Variants in GRM1 observed in about 807,000 individuals in gnomAD.
The protein encoded by GRM1 is metabotropic glutamate receptor 1.
GRM1 carries 33 observed loss-of-function variants against 90.9 expected under a neutral mutation model. The ratio of observed to expected loss-of-function variants is 0.36; its 90% confidence interval spans 0.28 to 0.49. The LOEUF (loss-of-function observed/expected upper bound fraction) is 0.49, where lower values mean the gene tolerates loss of function less well. GRM1 is among the 20% of genes least tolerant of loss of function. GRM1 has a pLI of 0.99. For synonymous variants in GRM1, 700 were observed against 613.2 expected, an observed-to-expected ratio of 1.14 and a Z score of -2.09; for missense variants, 1,190 against 1,534.3, an observed-to-expected ratio of 0.78 and a Z score of 3.75.
intron 2 of GRM1, among the ~76,000 whole-genome samples, chr6:146,173,902 C>T (rs563700408): frequency 4.7e-4 from 72 of 152,106 alleles, no homozygotes; most frequent in African/African-American, 1.4e-3. Context: ...GTGATCCGCC[C>T]GCCTTCGCTT....
intron 5 of GRM1, among the ~76,000 whole-genome samples, chr6:146,381,353 C>T (rs1562654110): frequency 6.6e-6 from 1 of 152,194 alleles, no homozygotes; most frequent in Non-Finnish European, 1.5e-5. Context: ...AATGCTCCCT[C>T]TGTGGGTGGG....
At chr6:146,413,086 C>G (rs1428875607) in intron 7 of GRM1, among the ~76,000 whole-genome samples, 5 of 152,080 alleles carry the variant, frequency 3.3e-5, no homozygotes, top group Non-Finnish European at 5.9e-5. Context: ...GGGACTAAAA[C>G]TTAGATTTTG....
chr6:146,254,422 A>G (rs1016053480), intron 2 of GRM1, among the ~76,000 whole-genome samples: 1 of 152,186 alleles, frequency 6.6e-6, no homozygotes, highest in Admixed American at 6.5e-5. Context: ...GGATGCTGAG[A>G]AGGAAGAATG....
At chr6:146,136,141 A>T (rs780328737) in intron 1 of GRM1, among the ~76,000 whole-genome samples, 5 of 152,196 alleles carry the variant, frequency 3.3e-5, no homozygotes, top group South Asian at 2.1e-4. Context: ...ACAGTACTTC[A>T]TTGTGTATAT....
chr6:146,235,158 T>G (rs1162023723), intron 2 of GRM1, among the ~76,000 whole-genome samples: 1 of 152,132 alleles, frequency 6.6e-6, no homozygotes, highest in African/African-American at 2.4e-5. Context: ...ATTCTTTAAT[T>G]TTCCATTGTA....
At chr6:146,213,258 T>C (rs567790732) in intron 2 of GRM1, among the ~76,000 whole-genome samples, 2 of 152,026 alleles carry the variant, frequency 1.3e-5, no homozygotes, top group Non-Finnish European at 2.9e-5. Context: ...GGTTGAAGCA[T>C]AGAATTCAAA....
chr6:146,399,788 A>G lies in GRM1; in HGVS notation c.2660+89A>G, dbSNP rs1380754183. ...CTCTCTCTCTCTTTCTCTGTCTCTC[A>G]TATCTTCCTCTAGTTTTCTGAGTTG... On this transcript the variant is annotated intron_variant, in intron 7 of 7. Transcript: ENST00000282753. This position sits in a 1 kb window ranked among gnomAD's most constrained non-coding sequence, Gnocchi z 5.4. The G allele has an allele frequency of 3.6e-5, 32 of 877,706 alleles. No individual in the cohort carries two copies. Among genetic ancestry groups the G allele is most frequent in the Non-Finnish European group, 5.3e-5 (29 of 549,872 alleles). 54.4% of individuals were successfully genotyped at this position (877,706 alleles called of 1,614,324 possible). A position where few individuals can be genotyped will look rare whatever the true frequency, so the allele number is the denominator to read the frequency against.
chr6:146,387,166 C>T (rs1776539498), intron 6 of GRM1, 150 bp downstream of exon 6: 1 of 788,526 alleles, frequency 1.3e-6, no homozygotes, highest in Admixed American at 1.9e-5. Flanking sequence ...TATACATAAA[C>T]CTCATAAGTT....
At chr6:146,038,000 T>G (rs1790953957) in intron 1 of GRM1, among the ~76,000 whole-genome samples, 1 of 152,036 alleles carries the variant, frequency 6.6e-6, no homozygotes, top group Non-Finnish European at 1.5e-5. Flanking sequence ...TGTTATCATC[T>G]TGTAATAAAA....
At chr6:146,149,462 C>T (rs1390470372) in intron 1 of GRM1, among the ~76,000 whole-genome samples, 1 of 152,176 alleles carries the variant, frequency 6.6e-6, no homozygotes, top group Non-Finnish European at 1.5e-5. Flanking sequence ...GGAGAATATT[C>T]CCTGCACTTT....
At chr6:146,292,311 AC>A (rs1400733522) in intron 2 of GRM1, among the ~76,000 whole-genome samples, 2 of 152,046 alleles carry the variant, frequency 1.3e-5, no homozygotes, top group African/African-American at 4.8e-5. Context: ...AAAATTTAAA[AC>A]TTTTATACAT....
chr6:146,089,198 A>C (rs1335624059), intron 1 of GRM1, among the ~76,000 whole-genome samples: 2 of 152,156 alleles, frequency 1.3e-5, no homozygotes, highest in Non-Finnish European at 2.9e-5. Context: ...CTGGCAAGGC[A>C]CTGTGGACCT....
chr6:146,244,274 AATCTTCACAATTT>A (rs1404406582), intron 2 of GRM1, among the ~76,000 whole-genome samples: 1 of 152,188 alleles, frequency 6.6e-6, no homozygotes, highest in Non-Finnish European at 1.5e-5. Flanking sequence ...ATGTCCATGA[AATCTTCACAATTT>A]ATGTTCAGAG....
Position 146,417,000 on chromosome 6 carries a change from G to A in GRM1, c.2661-16872G>A, listed in dbSNP as rs147828896. On this transcript the variant is annotated intron_variant, in intron 7 of 7. Transcript: ENST00000282753. ...TTTACTTCCCTCTCTCCAGGATCTC[G>A]GTTCCTCAAGTTCTAGCTGCCTTGG... is the stretch of plus-strand genomic sequence containing the variant. Among the ~76,000 whole-genome samples, 417 of 152,172 alleles carry A rather than the reference G, an allele frequency of 2.7e-3. 3 individuals carry two copies. Among genetic ancestry groups the A allele is most frequent in the African/African-American group, 9.8e-3 (407 of 41,500 alleles).
At chr6:146,378,693 C>T (rs1776203900) in intron 5 of GRM1, among the ~76,000 whole-genome samples, 1 of 152,166 alleles carries the variant, frequency 6.6e-6, no homozygotes, top group South Asian at 2.1e-4. Context: ...TGCCTTGTCT[C>T]AGATGAGACT....
At position 146,434,910 on chromosome 6, in the gene GRM1, A is replaced by G. The variant is rs561506886; in HGVS notation, c.*114A>G. 2 of 891,150 alleles carry G rather than the reference A, an allele frequency of 2.2e-6. No homozygotes were observed. Among genetic ancestry groups the G allele is most frequent in the South Asian group, 1.4e-5 (1 of 73,182 alleles). 55.2% of individuals were successfully genotyped at this position (891,150 alleles called of 1,614,324 possible). A position where few individuals can be genotyped will look rare whatever the true frequency, so the allele number is the denominator to read the frequency against. On this transcript the variant is annotated 3_prime_UTR_variant, in exon 8 of 8. Transcript: ENST00000282753. ...GAGTGGGGGGCCTCGTCGGGAGGAC[A>G]GGAGACCGCTGCTGCTGCTGCCGCT...
intron 3 of GRM1, among the ~76,000 whole-genome samples, chr6:146,339,867 A>G (rs781761742): frequency 2.6e-5 from 4 of 152,096 alleles, no homozygotes; most frequent in Non-Finnish European, 5.9e-5. Context: ...AACTTGTACC[A>G]CCATAACATT....
chr6:146,055,691 T>A (rs564598516), intron 1 of GRM1, among the ~76,000 whole-genome samples: 69 of 152,216 alleles, frequency 4.5e-4, no homozygotes, highest in African/African-American at 1.7e-3. Context: ...ATAAATAATT[T>A]CCCTCGGCAG....
intron 2 of GRM1, among the ~76,000 whole-genome samples, chr6:146,261,931 A>T (rs1287602092): frequency 6.6e-6 from 1 of 152,144 alleles, no homozygotes; most frequent in Non-Finnish European, 1.5e-5. Context: ...AGAAGCAATG[A>T]TTTGAAGCAT....
Sources: gnomAD v4.1 joint callset for allele counts (sites outside exome capture counted in the v4.1 genomes callset) on GRCh38, gnomAD v4.1.1 for gene constraint, Gnocchi (gnomAD v3.1) non-coding constraint, MANE v1.5 for transcripts, NCBI Gene and HGNC (gene_info 2026-07-23, HGNC 2026-07-21) for gene names.